Variants in CCDC138 observed in about 807,000 individuals in gnomAD.
CCDC138 encodes the protein coiled-coil domain containing 138.
A neutral mutation model predicts 82.3 loss-of-function variants in CCDC138; 66 were observed. That is an observed-to-expected ratio of 0.80 (90% CI 0.66 to 0.98). The LOEUF is 0.98. Ranked by LOEUF, CCDC138 falls within the 50% of genes least tolerant of loss-of-function variation. The pLI is 0.00. For missense variants in CCDC138, 816 were observed against 758.9 expected (o/e 1.08, Z -0.88); for synonymous variants, 297 against 265.4 (o/e 1.12, Z -1.16).
chr2:108,835,296 A>C (rs148526702), intron 10 of CCDC138, among the ~76,000 whole-genome samples: 257 of 152,312 alleles, frequency 1.7e-3, no homozygotes, highest in African/African-American at 6.0e-3. Flanking sequence ...AATTTCCAAA[A>C]CTGTTCAATG....
intron 2 of CCDC138, 21 bp from the exon 3 acceptor site, chr2:108,788,831 T>C: frequency 1.2e-6 from 2 of 1,613,946 alleles, no homozygotes; most frequent in South Asian, 1.1e-5. Flanking sequence ...TAATCTTTCA[T>C]GGTTTCTTTG....
At chr2:108,802,784 A>G (rs1573971875) in intron 6 of CCDC138, among the ~76,000 whole-genome samples, 1 of 151,574 alleles carries the variant, frequency 6.6e-6, no homozygotes. Flanking sequence ...GATAGCTCTT[A>G]TTATTTTGAA....
At chr2:108,875,770 G>T (rs1695940411) in intron 14 of CCDC138, among the ~76,000 whole-genome samples, 1 of 152,162 alleles carries the variant, frequency 6.6e-6, no homozygotes, top group Non-Finnish European at 1.5e-5. Flanking sequence ...GAGATGGGAG[G>T]ATTGCTTGAG....
At chr2:108,879,231 C>G (rs1053312575), downstream of CCDC138, among the ~76,000 whole-genome samples, 5 of 152,200 alleles carry the variant, frequency 3.3e-5, no homozygotes, top group Non-Finnish European at 7.3e-5. Context: ...CTCAGCCTTC[C>G]AGAATGCTGG....
intron 9 of CCDC138, among the ~76,000 whole-genome samples, chr2:108,813,329 T>C (rs1684226338): frequency 6.6e-6 from 1 of 151,732 alleles, no homozygotes; most frequent in South Asian, 2.1e-4. Flanking sequence ...ATCTTTTCTC[T>C]TTGATTTAGC....
chr2:108,884,383 C>G (rs1336599149), intron 2 of CCDC138: 1 of 152,134 alleles, frequency 6.6e-6, no homozygotes, highest in Non-Finnish European at 1.5e-5. Context: ...CCACAAGGCA[C>G]AGAATGGGCA....
At chr2:108,791,910 C>A in intron 4 of CCDC138, 108 bp downstream of exon 4, 1 of 1,149,996 alleles carries the variant, frequency 8.7e-7, no homozygotes, top group South Asian at 1.7e-5. Context: ...TTGCATATTT[C>A]TGTGTTCTGA....
In CCDC138 at chr2:108,786,879, A is replaced by G. The variant is rs1678868693; in HGVS notation, c.57A>G (p.Lys19=). The G allele has an allele frequency of 5.1e-6, 8 of 1,572,632 alleles. No homozygotes were observed. Among genetic ancestry groups the G allele is most frequent in the South Asian group, 1.2e-5 (1 of 86,630 alleles). The change falls in exon 1 of 15, where the codon AAA becomes AAG. Residue 19 remains lysine (K), a synonymous_variant. Coordinates refer to ENST00000295124, the MANE Select transcript of CCDC138 (RefSeq NM_144978.3). Reference sequence around the variant, plus strand: ...AGGATTTAGTAGTGGAGAGTCTCAAAAGCCGCTACGGACTCGGGGGCAGCT... The same window carrying G: ...AGGATTTAGTAGTGGAGAGTCTCAAGAGCCGCTACGGACTCGGGGGCAGCT... ...PGQDLVVESL[K]SRYGLGGSCP... is the part of the protein sequence containing the mutation.
At chr2:108,830,227 A>C (rs1687329027) in intron 10 of CCDC138, among the ~76,000 whole-genome samples, 1 of 152,204 alleles carries the variant, frequency 6.6e-6, no homozygotes, top group Admixed American at 6.5e-5. Flanking sequence ...ATAGAGACAA[A>C]GTAGAATGGT....
chr2:108,834,551 A>G (rs1352122971), intron 10 of CCDC138, among the ~76,000 whole-genome samples: 1 of 152,224 alleles, frequency 6.6e-6, no homozygotes, highest in African/African-American at 2.4e-5. Context: ...ATTGTCAAAT[A>G]GTTGACATCA....
intron 12 of CCDC138, among the ~76,000 whole-genome samples, chr2:108,852,889 C>T (rs1292121674): frequency 1.3e-5 from 2 of 151,994 alleles, no homozygotes; most frequent in African/African-American, 4.8e-5. Context: ...TACCCCTGAA[C>T]TAAAATAAAA....
intron 10 of CCDC138, among the ~76,000 whole-genome samples, chr2:108,829,940 A>G (rs1049734778): frequency 6.6e-6 from 1 of 152,202 alleles, no homozygotes; most frequent in Non-Finnish European, 1.5e-5. Flanking sequence ...AAAATAATTG[A>G]AAGCAGAGGC....
At chr2:108,845,602 C>T (rs749677977) in intron 11 of CCDC138, among the ~76,000 whole-genome samples, 20 of 144,994 alleles carry the variant, frequency 1.4e-4, no homozygotes, top group East Asian at 8.0e-4. Flanking sequence ...GATGGAGTCT[C>T]GCTCTGTCAC....
At chr2:108,795,241 G>A (rs934924533) in intron 5 of CCDC138, among the ~76,000 whole-genome samples, 1 of 130,126 alleles carries the variant, frequency 7.7e-6, no homozygotes, top group South Asian at 2.7e-4. Context: ...TGCGGCCTCC[G>A]CCTCCTGGGT....
At chr2:108,835,579 A>G (rs901791253) in intron 10 of CCDC138, among the ~76,000 whole-genome samples, 1 of 152,226 alleles carries the variant, frequency 6.6e-6, no homozygotes, top group Non-Finnish European at 1.5e-5. Context: ...AATACCTTAC[A>G]TATCACAAGA....
intron 5 of CCDC138, among the ~76,000 whole-genome samples, chr2:108,795,327 T>C (rs1680696339): frequency 6.6e-6 from 1 of 151,912 alleles, no homozygotes; most frequent in Non-Finnish European, 1.5e-5. Flanking sequence ...GCCAATTTTT[T>C]GTATTTTTAG....
At chr2:108,793,162 C>G (rs540850613) in intron 4 of CCDC138, among the ~76,000 whole-genome samples, 1 of 151,264 alleles carries the variant, frequency 6.6e-6, no homozygotes, top group East Asian at 2.0e-4. Flanking sequence ...TCCAGACCAT[C>G]CTGGCTAACA....
At position 108,786,799 on chromosome 2, in the gene CCDC138, A is replaced by G. The variant is rs1331844000; in HGVS notation, c.-24A>G. ...GGTTTGATGAACGCGGTTCCCGGGGAGACTGGTACGGTTGCTGTGTGCTAT... is the reference window on the plus strand; with the variant it reads ...GGTTTGATGAACGCGGTTCCCGGGGGGACTGGTACGGTTGCTGTGTGCTAT... On this transcript the variant is annotated 5_prime_UTR_variant, in exon 1 of 15. Coordinates refer to ENST00000295124, the MANE Select transcript of CCDC138 (RefSeq NM_144978.3). 6 of 1,570,208 alleles carry G rather than the reference A, an allele frequency of 3.8e-6. No homozygotes were observed. In the Admixed American group the frequency reaches 5.7e-5, roughly 15 times the overall value.
At chr2:108,793,991 T>C (rs1680414220) in intron 4 of CCDC138, among the ~76,000 whole-genome samples, 1 of 152,068 alleles carries the variant, frequency 6.6e-6, no homozygotes, top group African/African-American at 2.4e-5. Context: ...TTTCCACCTA[T>C]AGGAGGATGC....
Sources: allele counts gnomAD v4.1 joint callset (sites outside exome capture counted in the v4.1 genomes callset), GRCh38; gene constraint gnomAD v4.1.1; transcripts MANE v1.5; gene names NCBI Gene and HGNC (gene_info 2026-07-23, HGNC 2026-07-21).